SCN11A: variants seen among roughly 807,000 people sequenced by gnomAD.
The protein encoded by SCN11A is sodium channel protein type 11 subunit alpha.
A neutral mutation model predicts 162.2 loss-of-function variants in SCN11A; 122 were observed. That is an observed-to-expected ratio of 0.75 (90% CI 0.65 to 0.87). The LOEUF is 0.87. SCN11A is among the 40% of genes least tolerant of loss of function. The probability of loss-of-function intolerance (pLI) is 0.00; values close to 1 mark genes in which losing one functional copy is unlikely to be tolerated. For missense variants in SCN11A, 2,015 were observed against 2,181.6 expected (o/e 0.92, Z 1.52); for synonymous variants, 758 against 751.5 (o/e 1.01, Z -0.14).
chr3:38,903,527 G>A (rs2065737454), intron 16 of SCN11A, among the ~76,000 whole-genome samples: 1 of 152,086 alleles, frequency 6.6e-6, no homozygotes, highest in South Asian at 2.1e-4. Context: ...AATATCACTG[G>A]GACCACAACA....
At chr3:39,045,123 A>G (rs2032152234) in intron 1 of SCN11A, among the ~76,000 whole-genome samples, 1 of 152,210 alleles carries the variant, frequency 6.6e-6, no homozygotes. Flanking sequence ...TGAACAAATC[A>G]ATAACAAGTA....
At chr3:39,025,133 A>C (rs1208628663) in intron 2 of SCN11A, among the ~76,000 whole-genome samples, 1 of 152,086 alleles carries the variant, frequency 6.6e-6, no homozygotes, top group East Asian at 1.9e-4. Flanking sequence ...AGCCCCCCTT[A>C]ACCCCTGGGG....
At chr3:38,932,344 C>T (rs1319633314) in intron 7 of SCN11A, among the ~76,000 whole-genome samples, 2 of 152,198 alleles carry the variant, frequency 1.3e-5, no homozygotes, top group East Asian at 3.9e-4. Flanking sequence ...GGGTTCATCT[C>T]ACTAGGGAGT....
intron 2 of SCN11A, among the ~76,000 whole-genome samples, chr3:38,974,435 C>A (rs2066835149): frequency 1.3e-5 from 2 of 151,900 alleles, no homozygotes; most frequent in South Asian, 4.1e-4. Context: ...GTGGCTCATG[C>A]CTATAATCCC....
At chr3:39,044,558 G>A (rs2032141511) in intron 1 of SCN11A, among the ~76,000 whole-genome samples, 1 of 152,024 alleles carries the variant, frequency 6.6e-6, no homozygotes, top group Non-Finnish European at 1.5e-5. Flanking sequence ...TAAATAACAT[G>A]CTCCTGAATG....
chr3:39,022,885 A>T lies in SCN11A; in HGVS notation c.-280+9495T>A, dbSNP rs560063776. 2.5e-4 allele frequency among the ~76,000 whole-genome samples: 38 copies of T among 152,306 alleles called. 1 individual carries two copies. The highest frequency in any genetic ancestry group is 4.1e-4 in the South Asian group (2 of 4,828). On this transcript the variant is annotated intron_variant, in intron 2 of 29. Coordinates refer to ENST00000302328, the MANE Select transcript of SCN11A (RefSeq NM_001349253.2). ...CAGAGCAAGACCCTGTCTCAAAAAAAAAATAAATAAATAAAATAAAATAAA... is the reference window on the plus strand; with the variant it reads ...CAGAGCAAGACCCTGTCTCAAAAAATAAATAAATAAATAAAATAAAATAAA...
intron 2 of SCN11A, among the ~76,000 whole-genome samples, chr3:39,010,411 G>A (rs75975895): frequency 0.036 from 5,182 of 143,378 alleles, 183 homozygotes; most frequent in East Asian, 0.16. Flanking sequence ...ACAGAGTTTC[G>A]CTTTGTTCCC....
At chr3:38,924,426 T>G (rs1025322846) in intron 9 of SCN11A, among the ~76,000 whole-genome samples, 1 of 151,484 alleles carries the variant, frequency 6.6e-6, no homozygotes, top group East Asian at 1.9e-4. Context: ...CAGGCTGGAG[T>G]GCAATGGGGC....
chr3:38,901,225 A>G (rs4496420), intron 16 of SCN11A, among the ~76,000 whole-genome samples: 2 of 151,946 alleles, frequency 1.3e-5, no homozygotes, highest in African/African-American at 2.4e-5. Context: ...TAAAATGGCA[A>G]AAGTTAAAGA....
chr3:38,913,002 C>T (rs1057482218), intron 11 of SCN11A, among the ~76,000 whole-genome samples: 2 of 152,040 alleles, frequency 1.3e-5, no homozygotes, highest in African/African-American at 2.4e-5. Context: ...CCCAGTAATG[C>T]GATTGCTGGG....
intron 16 of SCN11A, among the ~76,000 whole-genome samples, chr3:38,900,620 C>A (rs1447658608): frequency 1.0e-4 from 14 of 136,194 alleles, no homozygotes; most frequent in African/African-American, 4.6e-4. Context: ...GAAAACACTT[C>A]CAGGGGCAAA....
At chr3:38,975,810 C>G (rs367671502) in intron 2 of SCN11A, among the ~76,000 whole-genome samples, 2 of 152,006 alleles carry the variant, frequency 1.3e-5, no homozygotes, top group South Asian at 2.1e-4. Context: ...ATGGTAGTAG[C>G]CAGGGGCCGG....
intron 28 of SCN11A, among the ~76,000 whole-genome samples, chr3:38,851,515 A>G (rs1269867855): frequency 1.3e-5 from 2 of 152,226 alleles, no homozygotes; most frequent in African/African-American, 4.8e-5. Context: ...ATATGCAGTG[A>G]AATTACTCAA....
At chr3:39,022,608 G>A (rs1330868324) in intron 2 of SCN11A, among the ~76,000 whole-genome samples, 2 of 152,096 alleles carry the variant, frequency 1.3e-5, no homozygotes, top group Admixed American at 1.3e-4. Flanking sequence ...CTTGCCAGGG[G>A]CAGTGGCTCA....
intron 11 of SCN11A, among the ~76,000 whole-genome samples, chr3:38,918,309 C>G (rs1334427146): frequency 6.6e-6 from 1 of 152,196 alleles, no homozygotes; most frequent in Admixed American, 6.5e-5. Context: ...CAGAGCAGTA[C>G]TGGTTCATGG....
chr3:39,036,085 G>A (rs1233344732), intron 1 of SCN11A, among the ~76,000 whole-genome samples: 1 of 152,180 alleles, frequency 6.6e-6, no homozygotes, highest in Non-Finnish European at 1.5e-5. Context: ...GTGCGTTATA[G>A]CCCAGAACTC....
chr3:38,983,703 CTT>C (rs1206533076), intron 2 of SCN11A, among the ~76,000 whole-genome samples: 1 of 152,214 alleles, frequency 6.6e-6, no homozygotes, highest in East Asian at 1.9e-4. Flanking sequence ...GCTAATGACT[CTT>C]AAGTTTCTGG....
intron 2 of SCN11A, among the ~76,000 whole-genome samples, chr3:38,996,381 T>C (rs1158792150): frequency 6.6e-6 from 1 of 152,152 alleles, no homozygotes; most frequent in African/African-American, 2.4e-5. Flanking sequence ...TTTTCAAGGA[T>C]GAGTGTATCT....
chr3:38,986,411 G>C (rs1265708647), intron 2 of SCN11A, among the ~76,000 whole-genome samples: 1 of 152,178 alleles, frequency 6.6e-6, no homozygotes, highest in African/African-American at 2.4e-5. Context: ...AGTGGAGCTG[G>C]GTGTTCCCCA....
Sources: allele counts gnomAD v4.1 joint callset (sites outside exome capture counted in the v4.1 genomes callset), GRCh38; gene constraint gnomAD v4.1.1; transcripts MANE v1.5; gene names NCBI Gene and HGNC (gene_info 2026-07-23, HGNC 2026-07-21).